Variants in EPHB1 observed in about 807,000 individuals in gnomAD.
The protein encoded by EPHB1 is ephrin type-B receptor 1.
Under a neutral mutation model 94.4 loss-of-function variants are expected in EPHB1, and 30 were observed. That is an observed-to-expected ratio of 0.32 (90% CI 0.24 to 0.43). The LOEUF is 0.43. EPHB1 is among the 20% of genes least tolerant of loss of function. The probability of loss-of-function intolerance (pLI) is 1.00; values close to 1 mark genes in which losing one functional copy is unlikely to be tolerated. For missense variants in EPHB1, 1,055 were observed against 1,308.3 expected (o/e 0.81, Z 2.99); for synonymous variants, 522 against 489.1 (o/e 1.07, Z -0.89).
At chr3:135,017,927 T>G (rs1935856826) in intron 3 of EPHB1, among the ~76,000 whole-genome samples, 1 of 152,102 alleles carries the variant, frequency 6.6e-6, no homozygotes, top group Non-Finnish European at 1.5e-5. Context: ...ACATTGAGGT[T>G]GTCGCACTAT....
At chr3:134,905,517 A>G (rs937546787) in intron 1 of EPHB1, among the ~76,000 whole-genome samples, 2 of 152,254 alleles carry the variant, frequency 1.3e-5, no homozygotes, top group Admixed American at 6.5e-5. Context: ...TGGTTTATCC[A>G]TCAGCCCAGC....
intron 1 of EPHB1, among the ~76,000 whole-genome samples, chr3:134,823,144 A>T (rs1053340383): frequency 6.6e-6 from 1 of 152,212 alleles, no homozygotes; most frequent in Admixed American, 6.5e-5. Context: ...GGCCTCTCAG[A>T]TAATTGCTTT....
intron 12 of EPHB1, among the ~76,000 whole-genome samples, chr3:135,215,378 G>C (rs1454844210): frequency 6.6e-6 from 1 of 151,888 alleles, no homozygotes; most frequent in Non-Finnish European, 1.5e-5. Flanking sequence ...GGTCAGGCTG[G>C]TCTCAAACTC....
intron 3 of EPHB1, among the ~76,000 whole-genome samples, chr3:135,102,740 A>C (rs1275891706): frequency 6.6e-6 from 1 of 152,246 alleles, no homozygotes. Context: ...AATGCCCATC[A>C]ATGATAGACT....
chr3:135,179,776 C>A (rs545434620), intron 9 of EPHB1, 84 bp from the exon 10 acceptor site: 1 of 1,535,386 alleles, frequency 6.5e-7, no homozygotes, highest in South Asian at 1.2e-5. Flanking sequence ...CCCAGGAATG[C>A]CCTTAGTGCT....
chr3:134,822,567 A>G (rs1171296165), intron 1 of EPHB1, among the ~76,000 whole-genome samples: 1 of 152,230 alleles, frequency 6.6e-6, no homozygotes, highest in Admixed American at 6.5e-5. Flanking sequence ...CATATTGCTT[A>G]AAGTTGTAGA....
At chr3:135,220,698 G>A (rs1943256409) in intron 12 of EPHB1, among the ~76,000 whole-genome samples, 1 of 151,010 alleles carries the variant, frequency 6.6e-6, no homozygotes, top group Admixed American at 6.6e-5. Context: ...AGTGGGCAAA[G>A]AGGAGAGAAG....
At position 135,179,853 on chromosome 3, in the gene EPHB1, C is replaced by T; in HGVS notation, c.1760-7C>T. Reference sequence around the variant, plus strand: ...GGATGTTAACCCTGCTTATCTCCTCCAACAAGGCTCCCCAGGGATGAAGAT... The same window carrying T: ...GGATGTTAACCCTGCTTATCTCCTCTAACAAGGCTCCCCAGGGATGAAGAT... On this transcript the variant is annotated splice_polypyrimidine_tract_variant and splice_region_variant and intron_variant, in intron 9 of 15. Transcript: ENST00000398015. 6.2e-7 allele frequency: 1 copy of T among 1,613,632 alleles called. No individual in the cohort carries two copies. The highest frequency in any genetic ancestry group is 8.5e-7 in the Non-Finnish European group (1 of 1,179,680).
intron 3 of EPHB1, among the ~76,000 whole-genome samples, chr3:135,017,148 C>G (rs996679852): frequency 6.6e-6 from 1 of 152,196 alleles, no homozygotes; most frequent in Non-Finnish European, 1.5e-5. Flanking sequence ...TAATTCACAG[C>G]TCTGTGTGCA....
intron 1 of EPHB1, among the ~76,000 whole-genome samples, chr3:134,867,001 A>T (rs2037393723): frequency 6.6e-6 from 1 of 152,220 alleles, no homozygotes; most frequent in South Asian, 2.1e-4. Context: ...CACATTGAGC[A>T]GCCCATCGTG....
intron 13 of EPHB1, among the ~76,000 whole-genome samples, chr3:135,248,055 G>A (rs1344964013): frequency 6.6e-6 from 1 of 152,142 alleles, no homozygotes; most frequent in Non-Finnish European, 1.5e-5. Flanking sequence ...CATTTACAGA[G>A]GTCCATGTGT....
intron 7 of EPHB1, among the ~76,000 whole-genome samples, chr3:135,165,055 G>T (rs560913441): frequency 6.6e-6 from 1 of 152,128 alleles, no homozygotes; most frequent in Non-Finnish European, 1.5e-5. Context: ...AACATAAATA[G>T]CTTGACTTCT....
rs549803768 is a variant in EPHB1, at chr3:134,823,046, A to G, written c.58+27357A>G. ...CATGACTCCTCAGGACCACAGGACT[A>G]CAGGACCACCCAGCCTACTCATTCC... On this transcript the variant is annotated intron_variant, in intron 1 of 15. Transcript: ENST00000398015. 5.3e-5 allele frequency among the ~76,000 whole-genome samples: 8 copies of G among 152,316 alleles called. No individual in the cohort carries two copies. The South Asian group carries it at 1.0e-3, about 20-fold the overall frequency.
At chr3:135,109,385 T>C (rs544009677) in intron 4 of EPHB1, among the ~76,000 whole-genome samples, 1 of 152,356 alleles carries the variant, frequency 6.6e-6, no homozygotes, top group Admixed American at 6.5e-5. Flanking sequence ...GACTTCATAA[T>C]AATGTATGCT....
intron 2 of EPHB1, among the ~76,000 whole-genome samples, chr3:134,933,871 T>C (rs2038950518): frequency 6.6e-6 from 1 of 152,188 alleles, no homozygotes; most frequent in Non-Finnish European, 1.5e-5. Flanking sequence ...TTTTCTTTTT[T>C]CTCACGGTAA....
intron 1 of EPHB1, among the ~76,000 whole-genome samples, chr3:134,804,669 T>A (rs943783814): frequency 1.3e-5 from 2 of 152,200 alleles, no homozygotes; most frequent in South Asian, 2.1e-4. Flanking sequence ...TTCTACAACT[T>A]CTTCTCTGTG....
At chr3:134,998,521 A>T (rs1935071126) in intron 3 of EPHB1, among the ~76,000 whole-genome samples, 1 of 152,188 alleles carries the variant, frequency 6.6e-6, no homozygotes, top group African/African-American at 2.4e-5. Context: ...TTCTCAAACC[A>T]TCTCTGATGC....
At chr3:135,093,586 G>A (rs1194762515) in intron 3 of EPHB1, among the ~76,000 whole-genome samples, 1 of 151,968 alleles carries the variant, frequency 6.6e-6, no homozygotes, top group Non-Finnish European at 1.5e-5. Flanking sequence ...GCCAGGCCTG[G>A]TGGCACGTGC....
intron 1 of EPHB1, among the ~76,000 whole-genome samples, chr3:134,840,949 C>T (rs564812359): frequency 1.1e-4 from 17 of 152,204 alleles, no homozygotes; most frequent in African/African-American, 2.7e-4. Flanking sequence ...AGTCTCCAGC[C>T]GGTCACTTAA....
Sources: gnomAD v4.1 joint callset for allele counts (sites outside exome capture counted in the v4.1 genomes callset) on GRCh38, gnomAD v4.1.1 for gene constraint, MANE v1.5 for transcripts, NCBI Gene and HGNC (gene_info 2026-07-23, HGNC 2026-07-21) for gene names.